The following CADPS2 variants were observed in gnomAD, a reference collection of about 807,000 sequenced individuals.
The protein encoded by CADPS2 is calcium dependent secretion activator 2.
A neutral mutation model predicts 172.5 loss-of-function variants in CADPS2; 93 were observed. That is an observed-to-expected ratio of 0.54 (90% CI 0.46 to 0.64). CADPS2 has a LOEUF of 0.64. Ranked by LOEUF, CADPS2 falls within the 30% of genes least tolerant of loss-of-function variation. CADPS2 has a pLI of 0.00. For missense variants in CADPS2, 1,420 were observed against 1,565.9 expected (o/e 0.91, Z 1.57); for synonymous variants, 546 against 555.2 (o/e 0.98, Z 0.23).
chr7:122,849,884 T>C (rs1441666744), intron 1 of CADPS2: 2 of 579,046 alleles, frequency 3.5e-6, no homozygotes, highest in Non-Finnish European at 6.7e-6. Context: ...GGCCTCAGCT[T>C]TGGCCCCAGC....
At chr7:122,776,817 A>G (rs1366417977) in intron 1 of CADPS2, among the ~76,000 whole-genome samples, 2 of 152,200 alleles carry the variant, frequency 1.3e-5, no homozygotes, top group Non-Finnish European at 2.9e-5. Flanking sequence ...CTTGCTATAC[A>G]AAGAGACTGG....
At chr7:122,420,109 A>G (rs2048369562) in intron 17 of CADPS2, among the ~76,000 whole-genome samples, 1 of 152,182 alleles carries the variant, frequency 6.6e-6, no homozygotes, top group African/African-American at 2.4e-5. Context: ...CTTACCTCTG[A>G]TGTCATACAG....
intron 2 of CADPS2, among the ~76,000 whole-genome samples, chr7:122,727,664 C>A (rs982145851): frequency 6.6e-5 from 10 of 151,844 alleles, no homozygotes; most frequent in African/African-American, 2.2e-4. Context: ...ATTCTACAAT[C>A]CATGCATTAT....
At chr7:122,413,260 T>C (rs2047518168) in intron 19 of CADPS2, among the ~76,000 whole-genome samples, 1 of 152,168 alleles carries the variant, frequency 6.6e-6, no homozygotes, top group Admixed American at 6.5e-5. Flanking sequence ...AAATATCTGG[T>C]CAGAGATGGT....
intron 1 of CADPS2, among the ~76,000 whole-genome samples, chr7:122,740,926 T>A (rs1198168158): frequency 1.3e-5 from 2 of 152,068 alleles, no homozygotes; most frequent in African/African-American, 2.4e-5. Context: ...AAATTAAAAC[T>A]GTATGAGAAG....
intron 8 of CADPS2, among the ~76,000 whole-genome samples, chr7:122,521,084 A>T (rs2060749222): frequency 6.6e-6 from 1 of 152,122 alleles, no homozygotes; most frequent in Non-Finnish European, 1.5e-5. Flanking sequence ...AGAAAGAAAA[A>T]AAAATCAATA....
At position 122,325,568 on chromosome 7, in the gene CADPS2, C is replaced by G; in HGVS notation, c.3626G>C (p.Ser1209Thr). 6.2e-7 allele frequency: 1 copy of G among 1,608,916 alleles called. No individual in the cohort carries two copies. The highest frequency in any genetic ancestry group is 8.5e-7 in the Non-Finnish European group (1 of 1,176,924). The change falls in exon 29 of 30, where the codon AGT becomes ACT. Residue 1209 changes from serine (S) to threonine (T), a missense_variant. Coordinates refer to ENST00000449022, the MANE Select transcript of CADPS2 (RefSeq NM_017954.11). ...CCACACGCAAATGACTTTCATGGAACTGCTGTACCATTGCTAGAAGGGAGA... is the reference window on the plus strand; with the variant it reads ...CCACACGCAAATGACTTTCATGGAAGTGCTGTACCATTGCTAGAAGGGAGA... ...IEKLFDQWYSSSMKVICVWLT... is the reference protein window; with the variant it reads ...IEKLFDQWYSTSMKVICVWLT...
intron 1 of CADPS2, among the ~76,000 whole-genome samples, chr7:122,754,027 T>C (rs1161555543): frequency 6.6e-6 from 1 of 152,216 alleles, no homozygotes; most frequent in Non-Finnish European, 1.5e-5. Context: ...CCCCACCAGG[T>C]AGGAGCTGTG....
intron 8 of CADPS2, among the ~76,000 whole-genome samples, chr7:122,548,513 G>A (rs2063859036): frequency 6.6e-6 from 1 of 152,076 alleles, no homozygotes; most frequent in Admixed American, 6.6e-5. Context: ...CATAAAACTT[G>A]ACAAATTTTA....
Position 122,629,324 on chromosome 7 carries a change from T to A in CADPS2, c.791A>T (p.Asp264Val). 1 of 1,605,860 alleles carries A rather than the reference T, an allele frequency of 6.2e-7. No homozygotes were observed. The highest frequency in any genetic ancestry group is 8.5e-7 in the Non-Finnish European group (1 of 1,175,864). The change falls in exon 4 of 30, where the codon GAT (aspartate) becomes GTT (valine). Residue 264 changes from aspartate to valine, a missense_variant. Asp to Val is a radical substitution (Grantham distance 152, BLOSUM62 -3). Transcript: ENST00000449022. Reference protein sequence around the residue: ...HQLLYNACQLDNADEQAAQIR... With the variant: ...HQLLYNACQLVNADEQAAQIR... ...CTGGGCTGCTTGTTCATCTGCGTTA[T>A]CCAGCTTAAAAATAAAACAGAAGTT...
chr7:122,709,906 G>A (rs376568174), intron 2 of CADPS2, among the ~76,000 whole-genome samples: 2 of 151,990 alleles, frequency 1.3e-5, no homozygotes, highest in East Asian at 3.9e-4. Flanking sequence ...GGGGACTGTT[G>A]TGGGGTTGGG....
intron 20 of CADPS2, among the ~76,000 whole-genome samples, chr7:122,404,852 G>A (rs751263360): frequency 1.2e-4 from 18 of 152,210 alleles, no homozygotes; most frequent in African/African-American, 2.9e-4. Flanking sequence ...ATGGCCGGGC[G>A]CGGTGGCTCA....
chr7:122,657,982 T>C (rs1459800311), intron 3 of CADPS2, among the ~76,000 whole-genome samples: 2 of 152,024 alleles, frequency 1.3e-5, no homozygotes, highest in East Asian at 1.9e-4. Flanking sequence ...ATTTTTGCAA[T>C]CTACTCATCT....
intron 3 of CADPS2, among the ~76,000 whole-genome samples, chr7:122,656,224 G>A (rs1232158025): frequency 2.6e-5 from 4 of 152,096 alleles, no homozygotes; most frequent in African/African-American, 7.2e-5. Flanking sequence ...ACCCCACAAA[G>A]TTCTAATAGT....
chr7:122,639,106 A>C (rs2077348569), intron 3 of CADPS2, among the ~76,000 whole-genome samples: 1 of 152,164 alleles, frequency 6.6e-6, no homozygotes, highest in Non-Finnish European at 1.5e-5. Flanking sequence ...CATGTTTACC[A>C]AAAAAGGAAA....
Position 122,679,254 on chromosome 7 carries a change from G to T in CADPS2, c.454-15685C>A, listed in dbSNP as rs1337536258. Among the ~76,000 whole-genome samples the T allele has an allele frequency of 1.6e-5, 2 of 123,706 alleles. 1 individual carries two copies. Among genetic ancestry groups the T allele is most frequent in the East Asian group, 5.2e-4 (2 of 3,870 alleles). The allele number at this position is 123,706 out of a possible 152,430, so 81.2% of individuals were successfully genotyped here. The stretch of plus-strand genomic sequence containing the variant: ...TTAATAATTAACAGCCCTGGGAAAA[G>T]AATGCATTCCTGGGGGGGGGGGGCT... On this transcript the variant is annotated intron_variant, in intron 2 of 29. Transcript: ENST00000449022.
intron 2 of CADPS2, among the ~76,000 whole-genome samples, chr7:122,718,312 A>C (rs935749271): frequency 1.3e-5 from 2 of 152,050 alleles, no homozygotes; most frequent in African/African-American, 4.8e-5. Flanking sequence ...TTGACATGGA[A>C]AAATGACAAG....
intron 3 of CADPS2, among the ~76,000 whole-genome samples, chr7:122,657,186 G>C (rs1374846095): frequency 6.6e-6 from 1 of 152,182 alleles, no homozygotes; most frequent in African/African-American, 2.4e-5. Flanking sequence ...TTTGGTACCA[G>C]TACCATGCTG....
intron 1 of CADPS2, among the ~76,000 whole-genome samples, chr7:122,819,090 G>C (rs907150546): frequency 6.6e-6 from 1 of 152,142 alleles, no homozygotes; most frequent in African/African-American, 2.4e-5. Context: ...CCTCCACTGT[G>C]AGACAAACCC....
Sources: allele counts gnomAD v4.1 joint callset (sites outside exome capture counted in the v4.1 genomes callset), GRCh38; gene constraint gnomAD v4.1.1; transcripts MANE v1.5; gene names NCBI Gene and HGNC (gene_info 2026-07-23, HGNC 2026-07-21).